Variants in THSD4 observed in about 807,000 individuals in gnomAD.
THSD4 encodes the protein thrombospondin type 1 domain containing 4, also known as thrombospondin type-1 domain-containing protein 4.
A neutral mutation model predicts 119.0 loss-of-function variants in THSD4; 69 were observed. The ratio of observed to expected loss-of-function variants is 0.58; its 90% CI spans 0.48 to 0.71. The LOEUF is 0.71. THSD4 is among the 30% of genes least tolerant of loss of function. The probability of loss-of-function intolerance (pLI) is 0.00; values close to 1 mark genes in which losing one functional copy is unlikely to be tolerated. For missense variants in THSD4, 1,393 were observed against 1,391.1 expected (o/e 1.00, Z -0.02); for synonymous variants, 524 against 540.4 (o/e 0.97, Z 0.42).
intron 7 of THSD4, among the ~76,000 whole-genome samples, chr15:71,647,053 A>G (rs942431007): frequency 6.6e-6 from 1 of 152,198 alleles, no homozygotes; most frequent in Non-Finnish European, 1.5e-5. Context: ...ATGCTTACAC[A>G]TCTGGGGGGC....
chr15:71,457,032 A>G (rs2047349298), intron 7 of THSD4, among the ~76,000 whole-genome samples: 1 of 152,266 alleles, frequency 6.6e-6, no homozygotes, highest in South Asian at 2.1e-4. Context: ...TGTCTCATGA[A>G]CATCCATTAA....
At chr15:71,653,365 G>A (rs1039066682) in intron 7 of THSD4, among the ~76,000 whole-genome samples, 26 of 152,310 alleles carry the variant, frequency 1.7e-4, no homozygotes, top group South Asian at 1.7e-3. Context: ...AATCTGTCAT[G>A]TGCTCCTCGG....
intron 7 of THSD4, among the ~76,000 whole-genome samples, chr15:71,537,344 A>G (rs909425760): frequency 6.6e-6 from 1 of 152,120 alleles, no homozygotes; most frequent in Admixed American, 6.5e-5. Flanking sequence ...CCCTTAAAGT[A>G]GATTCTCATT....
rs887593359 is a variant in THSD4 at position 71,590,051 on chromosome 15, T to C, written c.1153-70479T>C. On this transcript the variant is annotated intron_variant, in intron 7 of 17. Transcript: ENST00000261862. ...GTGCATATCAGTAGGAATATAAATA[T>C]GCATGGAAATTATGAATGCCAAATT... Among the ~76,000 whole-genome samples the C allele has an allele frequency of 2.0e-4, 28 of 139,534 alleles. 5 individuals carry two copies. Among genetic ancestry groups the C allele is most frequent in the African/African-American group, 4.3e-4 (17 of 39,974 alleles). 91.5% of individuals were successfully genotyped at this position (139,534 alleles called of 152,430 possible). A position where few individuals can be genotyped will look rare whatever the true frequency, so the allele number is the denominator to read the frequency against.
chr15:71,306,316 A>G (rs1384995116), intron 6 of THSD4, among the ~76,000 whole-genome samples: 2 of 139,644 alleles, frequency 1.4e-5, no homozygotes, highest in African/African-American at 2.7e-5. Context: ...TCAAAAAAAA[A>G]AAAAAAAAAA....
Position 71,547,226 on chromosome 15 carries a change from A to G in THSD4, c.1153-113304A>G, listed in dbSNP as rs199601728. ...TATTACATGAAGAGATCAGCTTACCAGTTTTCTTCAGAACAGAGGCTGAGC... is the reference window on the plus strand; with the variant it reads ...TATTACATGAAGAGATCAGCTTACCGGTTTTCTTCAGAACAGAGGCTGAGC... On this transcript the variant is annotated intron_variant, in intron 7 of 17. Transcript: ENST00000261862. The G allele has an allele frequency of 4.4e-5, 61 of 1,384,474 alleles. No individual in the cohort carries two copies. The East Asian group carries it at 1.7e-3, about 38-fold the overall frequency. The allele number at this position is 1,384,474 out of a possible 1,614,324, so 85.8% of individuals were successfully genotyped here.
chr15:71,751,378 C>T (rs1196514198), intron 14 of THSD4, among the ~76,000 whole-genome samples: 2 of 152,106 alleles, frequency 1.3e-5, no homozygotes, highest in African/African-American at 2.4e-5. Flanking sequence ...GAAAAGTATG[C>T]TCCAAACCTC....
At chr15:71,546,375 C>T (rs2048838016) in intron 7 of THSD4, among the ~76,000 whole-genome samples, 1 of 152,112 alleles carries the variant, frequency 6.6e-6, no homozygotes, top group Non-Finnish European at 1.5e-5. Flanking sequence ...ATGGTCTCTG[C>T]TATTTCAGGA....
intron 7 of THSD4, among the ~76,000 whole-genome samples, chr15:71,484,362 G>C (rs1461669166): frequency 1.3e-5 from 2 of 152,130 alleles, no homozygotes; most frequent in Non-Finnish European, 2.9e-5. Context: ...AACTGGCCCT[G>C]GGTCTCTTCT....
At chr15:71,497,499 C>G (rs555372888) in intron 7 of THSD4, among the ~76,000 whole-genome samples, 1 of 144,474 alleles carries the variant, frequency 6.9e-6, no homozygotes. Context: ...GGTGATAGAG[C>G]GAGACTCCAT....
chr15:71,353,268 A>G (rs141373049), intron 6 of THSD4, among the ~76,000 whole-genome samples: 263 of 152,338 alleles, frequency 1.7e-3, no homozygotes, highest in Middle Eastern at 0.01. Context: ...TAAAATCTGT[A>G]TGTGATACAA....
At chr15:71,200,382 G>A (rs1434277891) in intron 3 of THSD4, among the ~76,000 whole-genome samples, 2 of 152,064 alleles carry the variant, frequency 1.3e-5, no homozygotes, top group Non-Finnish European at 2.9e-5. Context: ...TGTAATGTTG[G>A]CACTGGATCC....
At chr15:71,524,159 G>A (rs538744439) in intron 7 of THSD4, among the ~76,000 whole-genome samples, 72 of 152,206 alleles carry the variant, frequency 4.7e-4, no homozygotes, top group Non-Finnish European at 9.6e-4. Context: ...CGTTCAGAAA[G>A]ATGGAATGAA....
intron 7 of THSD4, among the ~76,000 whole-genome samples, chr15:71,518,214 C>T (rs779762329): frequency 6.6e-6 from 1 of 152,106 alleles, no homozygotes; most frequent in African/African-American, 2.4e-5. Context: ...CCCCCACCTC[C>T]CCACCCCTTC....
At chr15:71,370,532 A>G (rs188303778) in intron 6 of THSD4, among the ~76,000 whole-genome samples, 1,536 of 152,174 alleles carry the variant, frequency 0.01, 10 homozygotes, top group Middle Eastern at 0.017. Flanking sequence ...TCTTCATTTC[A>G]TTATGTACCC....
At chr15:71,648,107 C>G (rs1460696710) in intron 7 of THSD4, among the ~76,000 whole-genome samples, 1 of 152,154 alleles carries the variant, frequency 6.6e-6, no homozygotes, top group African/African-American at 2.4e-5. Flanking sequence ...TATTTCAAAC[C>G]CGCCACCATC....
intron 6 of THSD4, among the ~76,000 whole-genome samples, chr15:71,409,894 T>TG (rs931552196): frequency 7.2e-5 from 11 of 152,058 alleles, no homozygotes; most frequent in Admixed American, 3.9e-4. Flanking sequence ...CAGTTTTTTT[T>TG]TTTTTGTTTT....
In THSD4 at chr15:71,389,827, T is replaced by TTTTTTTTTTG. The variant is rs56316633; in HGVS notation, c.1016-21860_1016-21859insTTTTTTTTTG. On this transcript the variant is annotated intron_variant, in intron 6 of 17. Coordinates refer to ENST00000261862, the MANE Select transcript of THSD4 (RefSeq NM_024817.3). ...TCTGGGTTGTTTTTTTTTTTTTTTT[T>TTTTTTTTTTG]GACACAGAGTCTCGCTCTGTCACTC... Among the ~76,000 whole-genome samples the TTTTTTTTTTG allele has an allele frequency of 4.0e-3, 568 of 142,822 alleles. 12 individuals carry two copies. Among genetic ancestry groups the TTTTTTTTTTG allele is most frequent in the African/African-American group, 0.014 (532 of 37,174 alleles). 93.7% of individuals were successfully genotyped at this position (142,822 alleles called of 152,430 possible). A position where few individuals can be genotyped will look rare whatever the true frequency, so the allele number is the denominator to read the frequency against.
At chr15:71,456,069 C>T (rs1423878114) in intron 7 of THSD4, among the ~76,000 whole-genome samples, 3 of 152,164 alleles carry the variant, frequency 2.0e-5, no homozygotes, top group African/African-American at 4.8e-5. Context: ...TCCCCTCTTA[C>T]GAATGGCAAA....
Sources: allele counts gnomAD v4.1 joint callset (sites outside exome capture counted in the v4.1 genomes callset), GRCh38; gene constraint gnomAD v4.1.1; transcripts MANE v1.5; gene names NCBI Gene and HGNC (gene_info 2026-07-23, HGNC 2026-07-21).